The following DGKI variants were observed in gnomAD, a reference collection of about 807,000 sequenced individuals.
DGKI encodes diacylglycerol kinase iota, also known as DAG kinase iota.
In DGKI, 55 loss-of-function variants were observed where a neutral mutation model predicts 147.5. The ratio of observed to expected loss-of-function variants is 0.37; its 90% CI spans 0.30 to 0.47. The LOEUF (loss-of-function observed/expected upper bound fraction) is 0.47, where lower values mean the gene tolerates loss of function less well. DGKI is among the 20% of genes least tolerant of loss of function. DGKI has a pLI of 1.00. For synonymous variants in DGKI, 469 were observed against 477.1 expected (o/e 0.98, Z 0.22); for missense variants, 1,007 against 1,323.8 (o/e 0.76, Z 3.71).
At chr7:137,435,626 A>C (rs1813251383) in intron 28 of DGKI, among the ~76,000 whole-genome samples, 1 of 152,122 alleles carries the variant, frequency 6.6e-6, no homozygotes, top group Non-Finnish European at 1.5e-5. Context: ...TCTATAGGAA[A>C]AATCTGATAT....
intron 32 of DGKI, among the ~76,000 whole-genome samples, chr7:137,391,617 CAG>C (rs1439306981): frequency 2.0e-5 from 3 of 151,824 alleles, no homozygotes; most frequent in Non-Finnish European, 4.4e-5. Flanking sequence ...ACTAGGGAAA[CAG>C]AAGTTCACAG....
chr7:137,776,254 T>C (rs984033866), intron 1 of DGKI, among the ~76,000 whole-genome samples: 3 of 152,232 alleles, frequency 2.0e-5, no homozygotes, highest in Non-Finnish European at 2.9e-5. Flanking sequence ...CAAATCATGG[T>C]TGATACAGGG....
intron 21 of DGKI, among the ~76,000 whole-genome samples, chr7:137,489,518 A>T (rs898166541): frequency 1.3e-5 from 2 of 152,154 alleles, no homozygotes; most frequent in Admixed American, 1.3e-4. Context: ...CAATAAGGAG[A>T]TCTCCTAAAA....
intron 1 of DGKI, among the ~76,000 whole-genome samples, chr7:137,824,690 C>T (rs1302999819): frequency 1.3e-5 from 2 of 151,986 alleles, no homozygotes; most frequent in Non-Finnish European, 2.9e-5. Context: ...ACTATTTTTC[C>T]TGATCCTCTC....
chr7:137,765,755 A>G (rs57690174), intron 1 of DGKI, among the ~76,000 whole-genome samples: 8,568 of 152,208 alleles, frequency 0.056, 577 homozygotes, highest in African/African-American at 0.17. Flanking sequence ...TCAGGTCTGG[A>G]TGGACTCTAA....
intron 3 of DGKI, among the ~76,000 whole-genome samples, chr7:137,671,215 A>C (rs1321494256): frequency 6.6e-6 from 1 of 152,238 alleles, no homozygotes; most frequent in Non-Finnish European, 1.5e-5. Context: ...TAAGGACATG[A>C]CCAGCATTCC....
At chr7:137,799,133 A>G (rs1287760443) in intron 1 of DGKI, among the ~76,000 whole-genome samples, 2 of 152,224 alleles carry the variant, frequency 1.3e-5, no homozygotes, top group African/African-American at 4.8e-5. Flanking sequence ...CTTCTATTCA[A>G]CACAGTACTG....
chr7:137,645,686 C>A, intron 5 of DGKI, 149 bp from the exon 6 acceptor site: 1 of 624,996 alleles, frequency 1.6e-6, no homozygotes, highest in Non-Finnish European at 2.6e-6. Context: ...CCCATCTCAG[C>A]CTCCTGAATA....
At chr7:137,711,957 G>T (rs1794229915) in intron 1 of DGKI, among the ~76,000 whole-genome samples, 1 of 151,944 alleles carries the variant, frequency 6.6e-6, no homozygotes, top group African/African-American at 2.4e-5. Flanking sequence ...CTCCCAAAGT[G>T]CTGGGGATTA....
chr7:137,635,580 G>T (rs200518930), intron 6 of DGKI, among the ~76,000 whole-genome samples: 2 of 152,166 alleles, frequency 1.3e-5, no homozygotes, highest in South Asian at 2.1e-4. Flanking sequence ...GCATAGAGGT[G>T]CAGAAGCGGC....
rs1405753452 is a variant in DGKI, at chr7:137,638,510, A to ATG, written c.804+6960_804+6961dup. ...TATACACACATATATATGTATATAT[A>ATG]TGTGTGTATATATATACACACACAT... On this transcript the variant is annotated intron_variant, in intron 6 of 32. Coordinates refer to ENST00000614521, the MANE Select transcript of DGKI (RefSeq NM_001321708.2). 2.1e-4 allele frequency among the ~76,000 whole-genome samples: 24 copies of ATG among 116,488 alleles called. No homozygotes were observed. The South Asian group carries it at 2.4e-3, about 12-fold the overall frequency. 76.4% of individuals were successfully genotyped at this position (116,488 alleles called of 152,430 possible).
At chr7:137,636,721 G>A (rs144157781) in intron 6 of DGKI, among the ~76,000 whole-genome samples, 21 of 152,344 alleles carry the variant, frequency 1.4e-4, no homozygotes, top group African/African-American at 4.6e-4. Context: ...AGTGGGAACC[G>A]TTAGGAGGTG....
At chr7:137,490,251 G>A (rs771312648) in intron 21 of DGKI, among the ~76,000 whole-genome samples, 1 of 152,078 alleles carries the variant, frequency 6.6e-6, no homozygotes, top group Admixed American at 6.5e-5. Context: ...GTATTGCTTT[G>A]GTCTTGCAAA....
chr7:137,501,374 C>A lies in DGKI; in HGVS notation c.2249-13685G>T, dbSNP rs565538508. Among the ~76,000 whole-genome samples, 4 of 152,186 alleles carry A rather than the reference C, an allele frequency of 2.6e-5. No individual in the cohort carries two copies. In the East Asian group the frequency reaches 7.7e-4, roughly 29 times the overall value. On this transcript the variant is annotated intron_variant, in intron 21 of 32. Transcript: ENST00000614521. Reference sequence around the variant, plus strand: ...CATATACTGATTCCTTTCTTTTGTACCTACACATACCCAGCAGTGGGACTC... The same window carrying A: ...CATATACTGATTCCTTTCTTTTGTAACTACACATACCCAGCAGTGGGACTC...
At chr7:137,445,411 G>C (rs766495471) in intron 27 of DGKI, among the ~76,000 whole-genome samples, 8 of 152,132 alleles carry the variant, frequency 5.3e-5, no homozygotes, top group African/African-American at 9.7e-5. Flanking sequence ...GATGGACATG[G>C]GGGTGGTGAG....
chr7:137,741,620 A>G lies in DGKI; in HGVS notation c.402-51618T>C, dbSNP rs368972840. On this transcript the variant is annotated intron_variant, in intron 1 of 32. Transcript: ENST00000614521. ...GTGTCTGAACGATAAGATGAAACAA[A>G]CCACAGGTGCTGAATCTGCACAGAA... Among the ~76,000 whole-genome samples, 17 of 152,268 alleles carry G rather than the reference A, an allele frequency of 1.1e-4. No individual in the cohort carries two copies. In the East Asian group the frequency reaches 2.1e-3, roughly 19 times the overall value.
At chr7:137,599,372 C>T (rs577777072) in intron 11 of DGKI, among the ~76,000 whole-genome samples, 55 of 152,192 alleles carry the variant, frequency 3.6e-4, no homozygotes, top group African/African-American at 1.3e-3. Flanking sequence ...TTGATTCTCT[C>T]TCTCTCACAC....
At position 137,766,202 on chromosome 7, in the gene DGKI, T is replaced by C. The variant is rs549085544; in HGVS notation, c.402-76200A>G. 2.6e-5 allele frequency among the ~76,000 whole-genome samples: 4 copies of C among 152,312 alleles called. No homozygotes were observed. The South Asian group carries it at 6.2e-4, about 24-fold the overall frequency. On this transcript the variant is annotated intron_variant, in intron 1 of 32. Transcript: ENST00000614521. ...GAATGAAAAGTGAACCCTCCCGTTATTCTGAGACAAATATCATGGGATCCT... is the reference window on the plus strand; with the variant it reads ...GAATGAAAAGTGAACCCTCCCGTTACTCTGAGACAAATATCATGGGATCCT...
intron 1 of DGKI, among the ~76,000 whole-genome samples, chr7:137,724,617 A>G (rs1794669021): frequency 6.6e-6 from 1 of 152,220 alleles, no homozygotes; most frequent in Non-Finnish European, 1.5e-5. Context: ...GGATGACTCA[A>G]GGTCCCAGGA....
Sources: allele counts gnomAD v4.1 joint callset (sites outside exome capture counted in the v4.1 genomes callset), GRCh38; gene constraint gnomAD v4.1.1; transcripts MANE v1.5; gene names NCBI Gene and HGNC (gene_info 2026-07-23, HGNC 2026-07-21).